The following PCYOX1 variants were observed in gnomAD, a reference collection of about 807,000 sequenced individuals.
PCYOX1 encodes the protein prenylcysteine lyase.
Under a neutral mutation model 46.4 loss-of-function variants are expected in PCYOX1, and 46 were observed. That is an observed-to-expected ratio of 0.99 (90% CI 0.78 to 1.27). PCYOX1 has a LOEUF of 1.27. Ranked by LOEUF, PCYOX1 falls within the 50% of genes most tolerant of loss-of-function variation. The pLI, the probability that PCYOX1 is intolerant of heterozygous loss-of-function variation, is 0.00. For synonymous variants in PCYOX1, 220 were observed against 231.8 expected (o/e 0.95, Z 0.46); for missense variants, 658 against 628.3 (o/e 1.05, Z -0.51).
intron 3 of PCYOX1, among the ~76,000 whole-genome samples, chr2:70,268,061 A>AG (rs1186064583): frequency 1.3e-5 from 2 of 152,038 alleles, no homozygotes; most frequent in Non-Finnish European, 2.9e-5. Flanking sequence ...CACCCGCCTC[A>AG]GCCTCCCAAA....
Position 70,280,267 on chromosome 2 carries a change from G to C in PCYOX1, c.*2875G>C, listed in dbSNP as rs940168045. The C allele has an allele frequency of 2.0e-5, 3 of 152,146 alleles. No individual in the cohort carries two copies. Among genetic ancestry groups the C allele is most frequent in the African/African-American group, 7.2e-5 (3 of 41,412 alleles). The allele number at this position is 152,146 out of a possible 1,614,324, so 9.4% of individuals were successfully genotyped here. A position where few individuals can be genotyped will look rare whatever the true frequency, so the allele number is the denominator to read the frequency against. ...TTTTACTGGGAGAAAAATCCTAGCA[G>C]AACCTGCTACTCTGGGCGCATTAGG... On this transcript the variant is annotated 3_prime_UTR_variant, in exon 6 of 6. Transcript: ENST00000433351.
chr2:70,280,365 C>CTTTTT lies in PCYOX1; in HGVS notation c.*2978_*2982dup. 6.6e-6 allele frequency: 1 copy of CTTTTT among 150,922 alleles called. No homozygotes were observed. The highest frequency in any genetic ancestry group is 1.9e-4 in the East Asian group (1 of 5,142). The allele number at this position is 150,922 out of a possible 1,614,324, so 9.3% of individuals were successfully genotyped here. On this transcript the variant is annotated 3_prime_UTR_variant, in exon 6 of 6. Transcript: ENST00000433351. ...ACTGTCAGAGCTTACTGCTCCAGACCTTTTTTTTTAATAGAAGAGACTGGT... is the reference window on the plus strand; with the variant it reads ...ACTGTCAGAGCTTACTGCTCCAGACCTTTTTTTTTTTTTTAATAGAAGAGACTGGT...
At chr2:70,266,600 G>T (rs1239579057) in intron 3 of PCYOX1, among the ~76,000 whole-genome samples, 1 of 152,066 alleles carries the variant, frequency 6.6e-6, no homozygotes, top group Non-Finnish European at 1.5e-5. Flanking sequence ...TTCCTAGGCA[G>T]AGGGCCCTGC....
Position 70,277,624 on chromosome 2 carries a change from G to C in PCYOX1, c.*232G>C, listed in dbSNP as rs1696706250. On this transcript the variant is annotated 3_prime_UTR_variant, in exon 6 of 6. Transcript: ENST00000433351. ...TAAGTATTCTTTCACTATCCATTAG[G>C]AGTTTTTCTTAAACTTGTCTGATAA... The C allele has an allele frequency of 4.8e-6, 2 of 419,552 alleles. No homozygotes were observed. Among genetic ancestry groups the C allele is most frequent in the South Asian group, 4.8e-5 (1 of 20,950 alleles). The allele number at this position is 419,552 out of a possible 1,614,324, so 26.0% of individuals were successfully genotyped here. A position where few individuals can be genotyped will look rare whatever the true frequency, so the allele number is the denominator to read the frequency against.
chr2:70,266,917 C>T (rs1696531310), intron 3 of PCYOX1, among the ~76,000 whole-genome samples: 2 of 152,192 alleles, frequency 1.3e-5, no homozygotes, highest in African/African-American at 2.4e-5. Context: ...CCCACATTTC[C>T]CCCACTTCTA....
chr2:70,261,620 T>C (rs1475185146), intron 3 of PCYOX1, among the ~76,000 whole-genome samples: 2 of 152,242 alleles, frequency 1.3e-5, no homozygotes, highest in African/African-American at 4.8e-5. Context: ...TCTTTAGTGT[T>C]GCCAGATACT....
intron 3 of PCYOX1, among the ~76,000 whole-genome samples, chr2:70,267,382 G>A (rs1015754452): frequency 6.6e-6 from 1 of 152,136 alleles, no homozygotes; most frequent in Non-Finnish European, 1.5e-5. Context: ...CTTCCTAGAC[G>A]GGGTGGCGGC....
At chr2:70,275,256 G>C in intron 4 of PCYOX1, 86 bp downstream of exon 4, 1 of 1,166,750 alleles carries the variant, frequency 8.6e-7, no homozygotes, top group Non-Finnish European at 1.3e-6. Flanking sequence ...TTAGGCTGTG[G>C]ATTGGAGGCT....
intron 3 of PCYOX1, among the ~76,000 whole-genome samples, chr2:70,270,965 G>C (rs906088331): frequency 6.6e-6 from 1 of 152,206 alleles, no homozygotes; most frequent in African/African-American, 2.4e-5. Flanking sequence ...GACCTCAGGT[G>C]ATCCACCTGT....
chr2:70,260,097 G>T (rs1264377517), intron 2 of PCYOX1, among the ~76,000 whole-genome samples: 1 of 152,212 alleles, frequency 6.6e-6, no homozygotes, highest in African/African-American at 2.4e-5. Context: ...TTACAGGGGT[G>T]AGCCACCGTG....
intron 3 of PCYOX1, among the ~76,000 whole-genome samples, chr2:70,269,738 C>CA (rs1010633350): frequency 6.6e-6 from 1 of 151,180 alleles, no homozygotes; most frequent in Admixed American, 6.8e-5. Context: ...TTTTTTTTGA[C>CA]ACGTGGACAC....
At position 70,277,200 on chromosome 2, in the gene PCYOX1, G is replaced by A. The variant is rs781154757; in HGVS notation, c.1326G>A (p.Pro442=). The change falls in exon 6 of 6, where the codon CCG becomes CCA. Residue 442 remains proline, a synonymous_variant. Transcript: ENST00000433351. ...PWLAYPHYKP[P]EKCPSIILHD... ...TTGCATATCCTCACTATAAGCCCCC[G>A]GAGAAATGCCCCTCTATCATTCTCC... 25 of 1,613,868 alleles carry A rather than the reference G, an allele frequency of 1.5e-5. No individual in the cohort carries two copies. The highest frequency in any genetic ancestry group is 3.3e-5 in the Admixed American group (2 of 59,984).
At chr2:70,269,877 CT>C (rs1389203130) in intron 3 of PCYOX1, among the ~76,000 whole-genome samples, 1 of 152,144 alleles carries the variant, frequency 6.6e-6, no homozygotes, top group African/African-American at 2.4e-5. Context: ...GAGGATAGTG[CT>C]TTTTGGGAGC....
chr2:70,265,646 A>G (rs1002504180), intron 3 of PCYOX1, among the ~76,000 whole-genome samples: 1 of 152,214 alleles, frequency 6.6e-6, no homozygotes, highest in African/African-American at 2.4e-5. Flanking sequence ...CACAGTAACT[A>G]GAATGTAGTA....
intron 1 of PCYOX1, among the ~76,000 whole-genome samples, chr2:70,259,086 G>A (rs947557729): frequency 6.6e-6 from 1 of 152,142 alleles, no homozygotes; most frequent in Non-Finnish European, 1.5e-5. Context: ...AGGCCCCTTG[G>A]TTCCTCCATA....
In PCYOX1 at chr2:70,259,584, T is replaced by C; in HGVS notation, c.319+18T>C. 1 of 1,563,626 alleles carries C rather than the reference T, an allele frequency of 6.4e-7. No homozygotes were observed. Among genetic ancestry groups the C allele is most frequent in the South Asian group, 1.1e-5 (1 of 90,046 alleles). On this transcript the variant is annotated intron_variant, in intron 2 of 5. Transcript: ENST00000433351. The stretch of plus-strand genomic sequence containing the variant: ...AGACCTGGGTATGTAATTTTGGTCT[T>C]GGAGCTCACCAGATTACTGTGTGAC...
At position 70,277,006 on chromosome 2, in the gene PCYOX1, T is replaced by G; in HGVS notation, c.1132T>G (p.Leu378Val). The change falls in exon 6 of 6, where the codon TTG (leucine) becomes GTG (valine). Residue 378 changes from leucine to valine, a missense_variant. Coordinates refer to ENST00000433351, the MANE Select transcript of PCYOX1 (RefSeq NM_016297.4). Reference sequence around the variant, plus strand: ...AGTTTTAACCACTGATAATTCAGATTTGTTCATTAACAGTATTGGGATTGT... The same window carrying G: ...AGTTTTAACCACTGATAATTCAGATGTGTTCATTAACAGTATTGGGATTGT... ...NTVLTTDNSD[L>V]FINSIGIVPS... 1 of 1,614,068 alleles carries G rather than the reference T, an allele frequency of 6.2e-7. No homozygotes were observed. Among genetic ancestry groups the G allele is most frequent in the Non-Finnish European group, 8.5e-7 (1 of 1,179,896 alleles).
At chr2:70,259,063 T>G (rs928291339) in intron 1 of PCYOX1, among the ~76,000 whole-genome samples, 7 of 152,226 alleles carry the variant, frequency 4.6e-5, no homozygotes, top group Admixed American at 3.3e-4. Context: ...GTTGGGCATC[T>G]GGAAGGGTGT....
chr2:70,276,686 G>A (rs1696676485), intron 5 of PCYOX1, 48 bp from the exon 6 acceptor site: 2 of 1,013,404 alleles, frequency 2.0e-6, no homozygotes, highest in Non-Finnish European at 3.0e-6. Flanking sequence ...ATTTTTAGAA[G>A]GTATGTTAGA....
Sources: allele counts gnomAD v4.1 joint callset (sites outside exome capture counted in the v4.1 genomes callset), GRCh38; gene constraint gnomAD v4.1.1; transcripts MANE v1.5; gene names NCBI Gene and HGNC (gene_info 2026-07-23, HGNC 2026-07-21).